The following ITGA8 variants were observed in gnomAD, a reference collection of about 807,000 sequenced individuals.
The protein encoded by ITGA8 is integrin subunit alpha 8, also known as integrin alpha-8.
A neutral mutation model predicts 142.3 loss-of-function variants in ITGA8; 91 were observed. The ratio of observed to expected loss-of-function variants is 0.64; its 90% CI spans 0.54 to 0.76. ITGA8 has a LOEUF of 0.76. Ranked by LOEUF, ITGA8 falls within the 30% of genes least tolerant of loss-of-function variation. The probability of loss-of-function intolerance (pLI) is 0.00; values close to 1 mark genes in which losing one functional copy is unlikely to be tolerated. For synonymous variants in ITGA8, 505 were observed against 485.2 expected (o/e 1.04, Z -0.54); for missense variants, 1,406 against 1,327.7 (o/e 1.06, Z -0.92).
chr10:15,667,978 A>T (rs1424012905), intron 8 of ITGA8, among the ~76,000 whole-genome samples: 2 of 152,210 alleles, frequency 1.3e-5, no homozygotes, highest in Admixed American at 6.5e-5. Flanking sequence ...TGTGGTGCTG[A>T]AAAGAATGTA....
chr10:15,677,179 A>C (rs529379528), intron 6 of ITGA8, among the ~76,000 whole-genome samples: 88 of 152,342 alleles, frequency 5.8e-4, no homozygotes, highest in Admixed American at 5.4e-3. Flanking sequence ...GTTAATGTAC[A>C]CAAAAGTACA....
In ITGA8 at chr10:15,585,446, C is replaced by A. The variant is rs1351405285; in HGVS notation, c.2372+1138G>T. 2.6e-5 allele frequency among the ~76,000 whole-genome samples: 4 copies of A among 152,306 alleles called. No homozygotes were observed. In the South Asian group the frequency reaches 8.3e-4, roughly 32 times the overall value. ...TTCTCTAATCCGCTAGGGGGCGCCC[C>A]AGCGGCACCAGGACAGCAGGGCAGG... is the stretch of plus-strand genomic sequence containing the variant. On this transcript the variant is annotated intron_variant, in intron 23 of 29. Coordinates refer to ENST00000378076, the MANE Select transcript of ITGA8 (RefSeq NM_003638.3).
intron 27 of ITGA8, among the ~76,000 whole-genome samples, chr10:15,535,833 C>T (rs1278461606): frequency 1.3e-5 from 2 of 152,104 alleles, no homozygotes; most frequent in African/African-American, 4.8e-5. Context: ...TTGCTGTTTG[C>T]AATAAATCTT....
chr10:15,531,396 A>G (rs777504051), intron 27 of ITGA8, among the ~76,000 whole-genome samples: 2 of 152,184 alleles, frequency 1.3e-5, no homozygotes, highest in Non-Finnish European at 1.5e-5. Flanking sequence ...CCAAGCATCC[A>G]TCTATCCAAG....
Position 15,599,902 on chromosome 10 carries a change from C to T in ITGA8, c.2119-2603G>A, listed in dbSNP as rs139582457. Reference sequence around the variant, plus strand: ...CGCCATTGCACTCTGGCCTGGGTGACAGAGTGAGACACCATCTCAAAAAAA... The same window carrying T: ...CGCCATTGCACTCTGGCCTGGGTGATAGAGTGAGACACCATCTCAAAAAAA... On this transcript the variant is annotated intron_variant, in intron 20 of 29. Coordinates refer to ENST00000378076, the MANE Select transcript of ITGA8 (RefSeq NM_003638.3). Among the ~76,000 whole-genome samples, 1,182 of 152,240 alleles carry T rather than the reference C, an allele frequency of 7.8e-3. 17 individuals carry two copies. Among genetic ancestry groups the T allele is most frequent in the African/African-American group, 0.026 (1,082 of 41,528 alleles).
chr10:15,586,190 C>T (rs1564362747), intron 23 of ITGA8, among the ~76,000 whole-genome samples: 2 of 150,790 alleles, frequency 1.3e-5, no homozygotes, highest in East Asian at 4.0e-4. Context: ...TCCTGAGTAG[C>T]TGGGATTACA....
chr10:15,522,988 T>C (rs370528697), intron 28 of ITGA8, among the ~76,000 whole-genome samples: 1 of 151,940 alleles, frequency 6.6e-6, no homozygotes, highest in East Asian at 1.9e-4. Context: ...CTGCACTCCG[T>C]CTGGTTGACA....
chr10:15,614,067 T>A (rs932102096), intron 14 of ITGA8, among the ~76,000 whole-genome samples: 1 of 152,230 alleles, frequency 6.6e-6, no homozygotes, highest in Non-Finnish European at 1.5e-5. Flanking sequence ...TCCGGTATTA[T>A]GGCAATATTG....
chr10:15,534,831 T>A (rs2131545535), intron 27 of ITGA8, among the ~76,000 whole-genome samples: 1 of 152,306 alleles, frequency 6.6e-6, no homozygotes, highest in Non-Finnish European at 1.5e-5. Context: ...CCTGGCTCGC[T>A]CTCGGCGCCT....
chr10:15,532,734 GTGTTAATCATTTCAAGAC>G (rs1489190376), intron 27 of ITGA8, among the ~76,000 whole-genome samples: 2 of 136,422 alleles, frequency 1.5e-5, no homozygotes, highest in African/African-American at 4.9e-5. Context: ...TGAGACCCAA[GTGTTAATCATTTCAAGAC>G]TTTTGGGTGC....
At chr10:15,557,983 G>C in intron 26 of ITGA8, 91 bp downstream of exon 26, 1 of 1,502,794 alleles carries the variant, frequency 6.7e-7, no homozygotes, top group Non-Finnish European at 9.1e-7. Flanking sequence ...AGGAGACCAA[G>C]AACAATCCTT....
Position 15,719,719 on chromosome 10 carries a change from G to T in ITGA8, c.53C>A (p.Ala18Glu), listed in dbSNP as rs746557155. The change falls in exon 1 of 30, where the codon GCG (alanine) becomes GAG (glutamate). Residue 18 changes from alanine to glutamate, a missense_variant. By Grantham distance (107) the Ala-to-Glu change is moderately radical. Coordinates refer to ENST00000378076, the MANE Select transcript of ITGA8 (RefSeq NM_003638.3). ...CGCGGCCGCGGCGCAGCAGAGGGGC[G>T]CGATCAGCGGCGCCTGGCTTCCCCG... ...GPRGSQAPLIAPLCCAAAALG... is the reference protein window; with the variant it reads ...GPRGSQAPLIEPLCCAAAALG... 10 of 1,394,744 alleles carry T rather than the reference G, an allele frequency of 7.2e-6. 1 individual carries two copies. The South Asian group carries it at 9.6e-5, about 13-fold the overall frequency. 86.4% of individuals were successfully genotyped at this position (1,394,744 alleles called of 1,614,324 possible). A position where few individuals can be genotyped will look rare whatever the true frequency, so the allele number is the denominator to read the frequency against.
Position 15,526,521 on chromosome 10 carries a change from C to T in ITGA8, c.2982+4529G>A, listed in dbSNP as rs376634490. On this transcript the variant is annotated intron_variant, in intron 28 of 29. Coordinates refer to ENST00000378076, the MANE Select transcript of ITGA8 (RefSeq NM_003638.3). ...AAGAAGGTAGACTCAGGGCAGAAGA[C>T]AAAGCATATTTAGGACTAGAGGTTT... is the stretch of plus-strand genomic sequence containing the variant. 2.0e-4 allele frequency among the ~76,000 whole-genome samples: 30 copies of T among 152,206 alleles called. No individual in the cohort carries two copies. The South Asian group carries it at 6.2e-3, about 32-fold the overall frequency.
At chr10:15,560,121 TA>T (rs1048739404) in intron 25 of ITGA8, among the ~76,000 whole-genome samples, 66 of 148,284 alleles carry the variant, frequency 4.5e-4, no homozygotes, top group African/African-American at 1.4e-3. Flanking sequence ...CATTGCTAAT[TA>T]AAAAAAAAAT....
chr10:15,674,116 T>A (rs1349904069), intron 6 of ITGA8, among the ~76,000 whole-genome samples: 1 of 152,202 alleles, frequency 6.6e-6, no homozygotes, highest in Admixed American at 6.5e-5. Flanking sequence ...TCAAACTAGA[T>A]CATAAATATT....
At chr10:15,678,381 T>C (rs1424307221) in intron 5 of ITGA8, among the ~76,000 whole-genome samples, 2 of 152,196 alleles carry the variant, frequency 1.3e-5, no homozygotes, top group Non-Finnish European at 2.9e-5. Context: ...AACAAAACAA[T>C]GAATAGATTC....
intron 2 of ITGA8, among the ~76,000 whole-genome samples, chr10:15,706,943 T>C (rs1013250569): frequency 6.6e-6 from 1 of 152,128 alleles, no homozygotes; most frequent in African/African-American, 2.4e-5. Flanking sequence ...CTCAGCGACC[T>C]TTCTCCATTT....
rs767113465 is a variant in ITGA8 at position 15,674,962 on chromosome 10, ATC to A, written c.677-2215_677-2214del. ...TCAAAAAAAAAAAAATCATAAATCT[ATC>A]TCTCCTGGATCTTTCTCAATGACTT... On this transcript the variant is annotated intron_variant, in intron 6 of 29. Coordinates refer to ENST00000378076, the MANE Select transcript of ITGA8 (RefSeq NM_003638.3). 1.7e-3 allele frequency among the ~76,000 whole-genome samples: 260 copies of A among 151,798 alleles called. 1 individual carries two copies. Among genetic ancestry groups the A allele is most frequent in the Non-Finnish European group, 3.0e-3 (204 of 67,954 alleles).
intron 2 of ITGA8, among the ~76,000 whole-genome samples, chr10:15,717,780 A>T (rs909736205): frequency 6.6e-6 from 1 of 152,254 alleles, no homozygotes; most frequent in Non-Finnish European, 1.5e-5. Flanking sequence ...AACATAAAAG[A>T]TACAAATTAT....
Sources: gnomAD v4.1 joint callset for allele counts (sites outside exome capture counted in the v4.1 genomes callset) on GRCh38, gnomAD v4.1.1 for gene constraint, MANE v1.5 for transcripts, NCBI Gene and HGNC (gene_info 2026-07-23, HGNC 2026-07-21) for gene names.